Variants in EML4 observed in about 807,000 individuals in gnomAD.
EML4 encodes the protein EMAP like 4, also known as echinoderm microtubule-associated protein-like 4.
In EML4, 72 loss-of-function variants were observed where a neutral mutation model predicts 129.0. The ratio of observed to expected loss-of-function variants is 0.56; its 90% CI spans 0.46 to 0.68. EML4 has a LOEUF of 0.68. Among genes scored for constraint, EML4 ranks in the 30% least tolerant of loss-of-function variants. The probability of loss-of-function intolerance (pLI) is 0.00; values close to 1 mark genes in which losing one functional copy is unlikely to be tolerated. For missense variants in EML4, 1,363 were observed against 1,190.6 expected (o/e 1.14, Z -2.13); for synonymous variants, 532 against 405.0 (o/e 1.31, Z -3.77).
intron 1 of EML4, among the ~76,000 whole-genome samples, chr2:42,192,532 G>T (rs571939537): frequency 6.6e-6 from 1 of 152,154 alleles, no homozygotes; most frequent in South Asian, 2.1e-4. Flanking sequence ...CAGCCACCGT[G>T]CCCAGCCTAC....
intron 6 of EML4, among the ~76,000 whole-genome samples, chr2:42,267,805 A>G (rs1178677475): frequency 1.3e-5 from 2 of 152,142 alleles, no homozygotes; most frequent in Admixed American, 6.5e-5. Context: ...ACTTTTTTTC[A>G]TTACTCTCTC....
rs528263360 is a variant in EML4, at chr2:42,330,646, A to G, written c.*439A>G. Reference sequence around the variant, plus strand: ...TTTTTTTTTTTTTTTCCTGAAAAAGAAACCAGAAAAAAATGTACTCTTACT... The same window carrying G: ...TTTTTTTTTTTTTTTCCTGAAAAAGGAACCAGAAAAAAATGTACTCTTACT... On this transcript the variant is annotated 3_prime_UTR_variant, in exon 23 of 23. Coordinates refer to ENST00000318522, the MANE Select transcript of EML4 (RefSeq NM_019063.5). 9.6e-4 allele frequency: 258 copies of G among 268,354 alleles called. 1 individual carries two copies. The highest frequency in any genetic ancestry group is 5.4e-3 in the African/African-American group (244 of 45,438). 16.6% of individuals were successfully genotyped at this position (268,354 alleles called of 1,614,324 possible).
In EML4 at chr2:42,330,221, G is replaced by A; in HGVS notation, c.*14G>A. ...CCCTCGTCCTAACACCCTGGCTTCA[G>A]TGCAACTCTTTTCCTTCAGCTGCAT... On this transcript the variant is annotated 3_prime_UTR_variant, in exon 23 of 23. Coordinates refer to ENST00000318522, the MANE Select transcript of EML4 (RefSeq NM_019063.5). 3.7e-6 allele frequency: 6 copies of A among 1,608,718 alleles called. No homozygotes were observed. The highest frequency in any genetic ancestry group is 5.1e-6 in the Non-Finnish European group (6 of 1,176,004).
intron 1 of EML4, among the ~76,000 whole-genome samples, chr2:42,182,880 C>G (rs1349823635): frequency 6.6e-6 from 1 of 152,110 alleles, no homozygotes; most frequent in Non-Finnish European, 1.5e-5. Context: ...CTCATGTGGC[C>G]TTTTCTTTGT....
intron 16 of EML4, 78 bp downstream of exon 16, chr2:42,303,524 AG>A: frequency 6.7e-7 from 1 of 1,496,910 alleles, no homozygotes; most frequent in Non-Finnish European, 9.2e-7. Context: ...CAAAGTAAAA[AG>A]GACTAAGTGT....
At position 42,256,497 on chromosome 2, in the gene EML4, T is replaced by C; in HGVS notation, c.209-4T>C. On this transcript the variant is annotated splice_region_variant and splice_polypyrimidine_tract_variant and intron_variant, in intron 2 of 22. Transcript: ENST00000318522. ...ATATAATTTTTTTCCTTAATTATCTTTAGGCCAACCAAGCCCTCGAGCAGT... is the reference window on the plus strand; with the variant it reads ...ATATAATTTTTTTCCTTAATTATCTCTAGGCCAACCAAGCCCTCGAGCAGT... The C allele has an allele frequency of 6.3e-7, 1 of 1,591,162 alleles. No homozygotes were observed. The highest frequency in any genetic ancestry group is 2.2e-5 in the East Asian group (1 of 44,760).
chr2:42,267,923 C>G (rs1338371192), intron 6 of EML4, among the ~76,000 whole-genome samples: 1 of 152,078 alleles, frequency 6.6e-6, no homozygotes, highest in East Asian at 1.9e-4. Flanking sequence ...TTAGAGGTAG[C>G]AGTTAGGTTG....
chr2:42,226,985 AAATTC>A (rs1314771132), intron 1 of EML4, among the ~76,000 whole-genome samples: 6 of 152,358 alleles, frequency 3.9e-5, no homozygotes, highest in Admixed American at 3.9e-4. Flanking sequence ...AATTTCCATG[AAATTC>A]AACAAAGGGA....
At chr2:42,230,819 C>G (rs1446507189) in intron 1 of EML4, among the ~76,000 whole-genome samples, 2 of 152,214 alleles carry the variant, frequency 1.3e-5, no homozygotes, top group African/African-American at 4.8e-5. Flanking sequence ...TCCCTTCATT[C>G]TTAGATAAAA....
At chr2:42,306,484 C>CTTTTTTGTTTTTTTTT (rs1668599673) in intron 17 of EML4, among the ~76,000 whole-genome samples, 1 of 74,604 alleles carries the variant, frequency 1.3e-5, no homozygotes, top group African/African-American at 4.7e-5. Context: ...GTGCTAAATC[C>CTTTTTTGTTTTTTTTT]TTTTTTTTTT....
rs112033160 is a variant in EML4, at chr2:42,178,380, C to CA, written c.25+8756dup. Among the ~76,000 whole-genome samples, 1,115 of 133,550 alleles carry CA rather than the reference C, an allele frequency of 8.3e-3. 4 individuals are homozygous for CA. Among genetic ancestry groups the CA allele is most frequent in the Non-Finnish European group, 0.011 (647 of 60,936 alleles). The allele number at this position is 133,550 out of a possible 152,430, so 87.6% of individuals were successfully genotyped here. On this transcript the variant is annotated intron_variant, in intron 1 of 22. Coordinates refer to ENST00000318522, the MANE Select transcript of EML4 (RefSeq NM_019063.5). ...CAACATAGTGAGACCCTGTCTCTAC[C>CA]AAAAAAAAAAAACAAACAAAAATTA...
chr2:42,221,521 C>T (rs765116897), intron 1 of EML4, among the ~76,000 whole-genome samples: 6 of 149,378 alleles, frequency 4.0e-5, no homozygotes, highest in African/African-American at 9.8e-5. Context: ...GCAATCCTCC[C>T]ACCTGAGCCT....
intron 1 of EML4, among the ~76,000 whole-genome samples, chr2:42,215,911 C>G (rs982783211): frequency 1.3e-5 from 2 of 152,010 alleles, no homozygotes; most frequent in African/African-American, 2.4e-5. Context: ...AGGAGAAACT[C>G]ATTTATCTTT....
chr2:42,169,414 C>G lies in EML4; in HGVS notation c.-198C>G. On this transcript the variant is annotated 5_prime_UTR_variant, in exon 1 of 23. Transcript: ENST00000318522. ...GCAGGCGGCTGAGCGGCGCGGCTCTCAACGTGACGGGGAAGTGGTTCGGGC... is the reference window on the plus strand; with the variant it reads ...GCAGGCGGCTGAGCGGCGCGGCTCTGAACGTGACGGGGAAGTGGTTCGGGC... 2 of 479,816 alleles carry G rather than the reference C, an allele frequency of 4.2e-6. No individual in the cohort carries two copies. The highest frequency in any genetic ancestry group is 2.9e-5 in the South Asian group (1 of 34,996). 29.7% of individuals were successfully genotyped at this position (479,816 alleles called of 1,614,324 possible).
At chr2:42,175,580 C>G (rs1371752817) in intron 1 of EML4, among the ~76,000 whole-genome samples, 4 of 152,006 alleles carry the variant, frequency 2.6e-5, no homozygotes, top group African/African-American at 9.7e-5. Context: ...CTCACTGCAA[C>G]TTCTGCCTCC....
At chr2:42,211,364 C>T (rs1211868575) in intron 1 of EML4, among the ~76,000 whole-genome samples, 1 of 152,116 alleles carries the variant, frequency 6.6e-6, no homozygotes, top group Non-Finnish European at 1.5e-5. Context: ...TTAAACCCAT[C>T]GTAGATCCTG....
At chr2:42,316,550 A>T (rs888676358) in intron 18 of EML4, among the ~76,000 whole-genome samples, 1 of 152,220 alleles carries the variant, frequency 6.6e-6, no homozygotes, top group African/African-American at 2.4e-5. Flanking sequence ...TAAGAATTTG[A>T]TATATTCCTT....
chr2:42,291,476 C>T (rs2109375), intron 11 of EML4, among the ~76,000 whole-genome samples: 1 of 149,650 alleles, frequency 6.7e-6, no homozygotes. Context: ...TCTTGGCTCA[C>T]TGCTGCAGCC....
intron 1 of EML4, among the ~76,000 whole-genome samples, chr2:42,220,362 C>CAA (rs1673507633): frequency 6.6e-6 from 1 of 151,792 alleles, no homozygotes; most frequent in African/African-American, 2.4e-5. Flanking sequence ...TGCTAGTTCT[C>CAA]ACAGTATTTC....
Sources: allele counts gnomAD v4.1 joint callset (sites outside exome capture counted in the v4.1 genomes callset), GRCh38; gene constraint gnomAD v4.1.1; transcripts MANE v1.5; gene names NCBI Gene and HGNC (gene_info 2026-07-23, HGNC 2026-07-21).